PREPL: variants seen among roughly 807,000 people sequenced by gnomAD.
PREPL encodes prolyl endopeptidase-like.
Under a neutral mutation model 70.6 loss-of-function variants are expected in PREPL, and 77 were observed. The ratio of observed to expected loss-of-function variants is 1.09; its 90% CI spans 0.91 to 1.32. The LOEUF is 1.32. PREPL is among the 40% of genes most tolerant of loss of function. The probability of loss-of-function intolerance (pLI) is 0.00; values close to 1 mark genes in which losing one functional copy is unlikely to be tolerated. For missense variants in PREPL, 1,002 were observed against 778.2 expected, an observed-to-expected ratio of 1.29 and a Z score of -3.42; for synonymous variants, 315 against 264.8, an observed-to-expected ratio of 1.19 and a Z score of -1.84.
At chr2:44,326,986 G>T in intron 9 of PREPL, 58 bp from the exon 10 acceptor site, 6 of 1,461,614 alleles carry the variant, frequency 4.1e-6, no homozygotes, top group South Asian at 1.2e-5. Flanking sequence ...CTGTAGGCTG[G>T]GGTCAGCGAA....
At chr2:44,340,362 T>A (rs1314900176) in intron 5 of PREPL, among the ~76,000 whole-genome samples, 1 of 152,062 alleles carries the variant, frequency 6.6e-6, no homozygotes, top group Non-Finnish European at 1.5e-5. Flanking sequence ...TCAAATAATA[T>A]CCTAGAAGCA....
Position 44,319,317 on chromosome 2 carries a change from T to G in PREPL, c.*2039A>C, listed in dbSNP as rs1197878644. 6.6e-6 allele frequency: 1 copy of G among 152,502 alleles called. No homozygotes were observed. The highest frequency in any genetic ancestry group is 2.4e-5 in the African/African-American group (1 of 41,444). 9.4% of individuals were successfully genotyped at this position (152,502 alleles called of 1,614,324 possible). ...TCTTATGAAGAATAATTTGGCATTA[T>G]GTATCAAGTGCCCATACTCTTTGAC... On this transcript the variant is annotated 3_prime_UTR_variant, in exon 14 of 14. Transcript: ENST00000409411.
Position 44,321,256 on chromosome 2 carries a change from T to G in PREPL, c.*100A>C, listed in dbSNP as rs941412015. The stretch of plus-strand genomic sequence containing the variant: ...AGCACATTTTAAAAAATTAATAACT[T>G]AAAAGTCTCAAGTTATTAATTTTTT... On this transcript the variant is annotated 3_prime_UTR_variant, in exon 14 of 14. Transcript: ENST00000409411. 1.1e-5 allele frequency: 12 copies of G among 1,052,924 alleles called. No homozygotes were observed. Among genetic ancestry groups the G allele is most frequent in the Non-Finnish European group, 1.7e-5 (12 of 723,936 alleles). The allele number at this position is 1,052,924 out of a possible 1,614,324, so 65.2% of individuals were successfully genotyped here.
Position 44,320,247 on chromosome 2 carries a change from A to G in PREPL, c.*1109T>C, listed in dbSNP as rs571890902. ...GGCTTTGAAGTTATATCAAGATTTAAGTCTACTTCATGCCAATGAGCTACT... is the reference window on the plus strand; with the variant it reads ...GGCTTTGAAGTTATATCAAGATTTAGGTCTACTTCATGCCAATGAGCTACT... On this transcript the variant is annotated 3_prime_UTR_variant, in exon 14 of 14. Coordinates refer to ENST00000409411, the MANE Select transcript of PREPL (RefSeq NM_001171613.2). The G allele has an allele frequency of 6.2e-7, 1 of 1,614,086 alleles. No individual in the cohort carries two copies. Among genetic ancestry groups the G allele is most frequent in the South Asian group, 1.1e-5 (1 of 91,080 alleles).
At chr2:44,356,846 C>T (rs192275816) in intron 1 of PREPL, among the ~76,000 whole-genome samples, 1 of 151,772 alleles carries the variant, frequency 6.6e-6, no homozygotes, top group East Asian at 1.9e-4. Context: ...CCTTCTGTCA[C>T]CCAGGCTGAA....
intron 1 of PREPL, among the ~76,000 whole-genome samples, chr2:44,350,262 T>G (rs1450753324): frequency 1.3e-5 from 2 of 151,870 alleles, no homozygotes. Context: ...CCAAGAAGGA[T>G]TTTTTCCTAA....
intron 5 of PREPL, 80 bp from the exon 6 acceptor site, chr2:44,339,443 G>GGTCA: frequency 2.6e-6 from 4 of 1,555,066 alleles, no homozygotes; most frequent in Non-Finnish European, 3.5e-6. Context: ...TCTCAGAGGT[G>GGTCA]GTCAGTATAC....
chr2:44,344,700 G>T, intron 2 of PREPL, 114 bp from the exon 3 acceptor site: 2 of 665,738 alleles, frequency 3.0e-6, no homozygotes, highest in Non-Finnish European at 4.9e-6. Flanking sequence ...ACCTGTTGAA[G>T]TATATGAATG....
Position 44,319,995 on chromosome 2 carries a change from C to G in PREPL, c.*1361G>C. Reference sequence around the variant, plus strand: ...CTGTGCGTACTTATTGACTCCCAGACAAGCCGAAACCCCGAATTTGTCATT... The same window carrying G: ...CTGTGCGTACTTATTGACTCCCAGAGAAGCCGAAACCCCGAATTTGTCATT... On this transcript the variant is annotated 3_prime_UTR_variant, in exon 14 of 14. Transcript: ENST00000409411. 1 of 572,386 alleles carries G rather than the reference C, an allele frequency of 1.7e-6. No homozygotes were observed. Among genetic ancestry groups the G allele is most frequent in the Non-Finnish European group, 3.1e-6 (1 of 323,312 alleles). The allele number at this position is 572,386 out of a possible 1,614,324, so 35.5% of individuals were successfully genotyped here.
rs969356463 is a variant in PREPL at position 44,321,527 on chromosome 2, T to A, written c.1828-82A>T. The stretch of plus-strand genomic sequence containing the variant: ...GTTTAAGCTTCTCTTTATCTATCCA[T>A]CTTTACCTAACCGTGAAGTCAGCAA... On this transcript the variant is annotated intron_variant, in intron 13 of 13. Coordinates refer to ENST00000409411, the MANE Select transcript of PREPL (RefSeq NM_001171613.2). 3.9e-6 allele frequency: 6 copies of A among 1,547,692 alleles called. No individual in the cohort carries two copies. In the African/African-American group the frequency reaches 8.3e-5, roughly 21 times the overall value.
intron 11 of PREPL, among the ~76,000 whole-genome samples, 167 bp from the exon 12 acceptor site, chr2:44,323,021 T>C (rs541412488): frequency 6.6e-6 from 1 of 152,326 alleles, no homozygotes; most frequent in Non-Finnish European, 1.5e-5. Context: ...AGACTACTTG[T>C]TATCTGGAAT....
In PREPL at chr2:44,320,810, A is replaced by G; in HGVS notation, c.*546T>C. Reference sequence around the variant, plus strand: ...TCTCAAATGTTTTGAAAAAAATAAAATGTTTAAAAGTAAATTATGGCTTAT... The same window carrying G: ...TCTCAAATGTTTTGAAAAAAATAAAGTGTTTAAAAGTAAATTATGGCTTAT... On this transcript the variant is annotated 3_prime_UTR_variant, in exon 14 of 14. Transcript: ENST00000409411. 1 of 652,280 alleles carries G rather than the reference A, an allele frequency of 1.5e-6. No individual in the cohort carries two copies. Among genetic ancestry groups the G allele is most frequent in the South Asian group, 1.8e-5 (1 of 54,128 alleles). The allele number at this position is 652,280 out of a possible 1,614,324, so 40.4% of individuals were successfully genotyped here. A position where few individuals can be genotyped will look rare whatever the true frequency, so the allele number is the denominator to read the frequency against.
At chr2:44,332,727 C>T (rs540601566) in intron 7 of PREPL, 71 bp from the exon 8 acceptor site, 161 of 1,241,680 alleles carry the variant, frequency 1.3e-4, no homozygotes, top group Non-Finnish European at 1.7e-4. Flanking sequence ...ATTTCTAAGT[C>T]TTCTCCAAAC....
intron 4 of PREPL, 34 bp from the exon 5 acceptor site, chr2:44,342,586 C>A: frequency 2.6e-5 from 35 of 1,351,358 alleles, no homozygotes; most frequent in Non-Finnish European, 3.3e-5. Flanking sequence ...TATACATAAT[C>A]ACCTACACTC....
chr2:44,353,659 C>A (rs774484184), intron 1 of PREPL, among the ~76,000 whole-genome samples: 1 of 151,396 alleles, frequency 6.6e-6, no homozygotes, highest in Non-Finnish European at 1.5e-5. Flanking sequence ...ACTGGCATAA[C>A]GACAGACATA....
At chr2:44,350,312 A>G (rs1343815154) in intron 1 of PREPL, among the ~76,000 whole-genome samples, 3 of 152,160 alleles carry the variant, frequency 2.0e-5, no homozygotes, top group Admixed American at 2.0e-4. Flanking sequence ...AAATCTATCA[A>G]TGTAATCTAA....
In PREPL at chr2:44,320,635, G is replaced by C; in HGVS notation, c.*721C>G. On this transcript the variant is annotated 3_prime_UTR_variant, in exon 14 of 14. Transcript: ENST00000409411. ...GTACTGAACATACTGTATACCTCGT[G>C]TTAGGCACCTTTATGAAGAGATGAA... The C allele has an allele frequency of 6.2e-7, 1 of 1,613,060 alleles. No individual in the cohort carries two copies. Among genetic ancestry groups the C allele is most frequent in the Non-Finnish European group, 8.5e-7 (1 of 1,179,146 alleles).
chr2:44,329,573 C>T (rs1673881042), intron 8 of PREPL, among the ~76,000 whole-genome samples: 1 of 152,036 alleles, frequency 6.6e-6, no homozygotes, highest in African/African-American at 2.4e-5. Context: ...TTTCTATATC[C>T]TCTGTAGTCG....
In PREPL at chr2:44,328,118, G is replaced by T. The variant is rs143730113; in HGVS notation, c.1262+819C>A. Among the ~76,000 whole-genome samples the T allele has an allele frequency of 4.4e-3, 671 of 151,546 alleles. 6 individuals are homozygous for T. The highest frequency in any genetic ancestry group is 0.016 in the African/African-American group (641 of 41,312). ...CTGGCCAACATGGTGAAACCCCATC[G>T]CTACAAAAATTTCAAAAATTAGTCA... On this transcript the variant is annotated intron_variant, in intron 9 of 13. Coordinates refer to ENST00000409411, the MANE Select transcript of PREPL (RefSeq NM_001171613.2).
Sources: allele counts gnomAD v4.1 joint callset (sites outside exome capture counted in the v4.1 genomes callset), GRCh38; gene constraint gnomAD v4.1.1; transcripts MANE v1.5; gene names NCBI Gene and HGNC (gene_info 2026-07-23, HGNC 2026-07-21).